The following RALGAPA1 variants were observed in gnomAD, a reference collection of about 807,000 sequenced individuals.
RALGAPA1 encodes Ral GTPase activating protein catalytic subunit alpha 1, also known as ral GTPase-activating protein subunit alpha-1.
In RALGAPA1, 52 loss-of-function variants were observed where a neutral mutation model predicts 269.6. The observed-to-expected ratio is 0.19, with a 90% CI of 0.15 to 0.24. The LOEUF (loss-of-function observed/expected upper bound fraction) is 0.24. Ranked by LOEUF, RALGAPA1 falls within the 10% of genes least tolerant of loss-of-function variation. The probability of loss-of-function intolerance (pLI) is 1.00; values close to 1 mark genes in which losing one functional copy is unlikely to be tolerated. For missense variants in RALGAPA1, 1,917 were observed against 3,013.9 expected (o/e 0.64, Z 8.52); for synonymous variants, 817 against 1,008.3 (o/e 0.81, Z 3.60).
chr14:35,775,400 C>G (rs2074945755), intron 2 of RALGAPA1, among the ~76,000 whole-genome samples: 1 of 152,114 alleles, frequency 6.6e-6, no homozygotes, highest in Non-Finnish European at 1.5e-5. Flanking sequence ...ACAAATCAAC[C>G]TGACCAGTGA....
rs940572314 is a variant in RALGAPA1 at position 35,641,994 on chromosome 14, G to A, written c.5677-6396C>T. 2.6e-5 allele frequency among the ~76,000 whole-genome samples: 4 copies of A among 152,238 alleles called. No homozygotes were observed. In the South Asian group the frequency reaches 6.2e-4, roughly 24 times the overall value. On this transcript the variant is annotated intron_variant, in intron 31 of 41. Coordinates refer to ENST00000680220, the MANE Select transcript of RALGAPA1 (RefSeq NM_001346249.2). Reference sequence around the variant, plus strand: ...ACAAAGGTAAATAATATATATTATGGAAAGGACAGTCTCTTCAATATATGG... The same window carrying A: ...ACAAAGGTAAATAATATATATTATGAAAAGGACAGTCTCTTCAATATATGG...
chr14:35,585,274 A>G (rs758543601), intron 37 of RALGAPA1, among the ~76,000 whole-genome samples: 11 of 152,248 alleles, frequency 7.2e-5, no homozygotes, highest in Admixed American at 3.9e-4. Flanking sequence ...AAGAACAGAA[A>G]TCATAAAATG....
chr14:35,559,834 T>C (rs865991900), intron 39 of RALGAPA1, among the ~76,000 whole-genome samples: 4 of 152,216 alleles, frequency 2.6e-5, no homozygotes, highest in Admixed American at 6.5e-5. Flanking sequence ...AACTCAATAA[T>C]TGTATAAAAG....
chr14:35,648,234 T>C (rs1594963906), intron 31 of RALGAPA1, among the ~76,000 whole-genome samples: 1 of 150,960 alleles, frequency 6.6e-6, no homozygotes, highest in Admixed American at 6.6e-5. Flanking sequence ...GAGACGGAGG[T>C]TGCAATGAGC....
intron 4 of RALGAPA1, among the ~76,000 whole-genome samples, chr14:35,767,909 G>C (rs1008570980): frequency 3.9e-5 from 6 of 152,024 alleles, no homozygotes; most frequent in African/African-American, 1.2e-4. Flanking sequence ...CAAGGAGCTG[G>C]GACGACATGA....
chr14:35,675,277 G>A (rs113414901), intron 22 of RALGAPA1, among the ~76,000 whole-genome samples: 193 of 152,274 alleles, frequency 1.3e-3, no homozygotes, highest in African/African-American at 4.1e-3. Flanking sequence ...CTGGGTTCAC[G>A]CAATTCTCCT....
At chr14:35,546,600 G>A (rs1455975692) in intron 41 of RALGAPA1, among the ~76,000 whole-genome samples, 3 of 151,926 alleles carry the variant, frequency 2.0e-5, no homozygotes, top group East Asian at 1.9e-4. Flanking sequence ...GTATTGATTA[G>A]TACTATTTTA....
At chr14:35,551,206 C>T (rs1566657099) in intron 39 of RALGAPA1, among the ~76,000 whole-genome samples, 1 of 152,064 alleles carries the variant, frequency 6.6e-6, no homozygotes, top group Non-Finnish European at 1.5e-5. Context: ...CAGAGCTTTT[C>T]ATTATGCCTG....
chr14:35,543,921 C>T (rs1157830613), intron 41 of RALGAPA1, among the ~76,000 whole-genome samples: 3 of 152,152 alleles, frequency 2.0e-5, no homozygotes, highest in Non-Finnish European at 2.9e-5. Context: ...GGATTACAGG[C>T]GTGAGCCACC....
In RALGAPA1 at chr14:35,713,010, T is replaced by TTA. The variant is rs772864489; in HGVS notation, c.2266+8676_2266+8677dup. ...GGCAGAGGCCTAATCATGCAGGGCC[T>TTA]TATAAAAATCATGGTAAGATTTTCA... On this transcript the variant is annotated intron_variant, in intron 16 of 41. Transcript: ENST00000680220. 1.4e-4 allele frequency among the ~76,000 whole-genome samples: 22 copies of TTA among 152,188 alleles called. 1 individual carries two copies. The highest frequency in any genetic ancestry group is 2.4e-5 in the African/African-American group (1 of 41,434).
intron 31 of RALGAPA1, among the ~76,000 whole-genome samples, chr14:35,640,447 G>A (rs772110927): frequency 8.5e-5 from 13 of 152,156 alleles, no homozygotes; most frequent in African/African-American, 2.2e-4. Flanking sequence ...TCAACAGAGC[G>A]GCTACTATGA....
At chr14:35,591,540 G>T (rs1306591677) in intron 37 of RALGAPA1, among the ~76,000 whole-genome samples, 2 of 151,960 alleles carry the variant, frequency 1.3e-5, no homozygotes, top group Non-Finnish European at 2.9e-5. Flanking sequence ...TCAAACTCTT[G>T]GGCTGAAGCA....
intron 19 of RALGAPA1, among the ~76,000 whole-genome samples, chr14:35,685,733 G>A (rs796216206): frequency 2.0e-5 from 3 of 152,156 alleles, no homozygotes; most frequent in African/African-American, 4.8e-5. Context: ...GTGAAACCCT[G>A]TCTCTACTAA....
intron 37 of RALGAPA1, among the ~76,000 whole-genome samples, chr14:35,585,832 C>T (rs1200760682): frequency 6.6e-6 from 1 of 152,158 alleles, no homozygotes; most frequent in East Asian, 1.9e-4. Context: ...GGTACCAGTA[C>T]CATCCTGTTT....
intron 37 of RALGAPA1, among the ~76,000 whole-genome samples, chr14:35,584,395 G>A (rs1426046695): frequency 2.0e-5 from 3 of 152,048 alleles, no homozygotes; most frequent in South Asian, 2.1e-4. Flanking sequence ...CTCCCAAGTC[G>A]CTGGGACCAT....
intron 1 of RALGAPA1, among the ~76,000 whole-genome samples, chr14:35,782,665 C>G (rs536688388): frequency 3.6e-4 from 54 of 151,910 alleles, no homozygotes; most frequent in African/African-American, 1.3e-3. Context: ...CTAAGGTGAT[C>G]CACCCGCCAT....
At chr14:35,557,496 G>T (rs1298507616) in intron 39 of RALGAPA1, among the ~76,000 whole-genome samples, 1 of 152,102 alleles carries the variant, frequency 6.6e-6, no homozygotes, top group African/African-American at 2.4e-5. Flanking sequence ...CAGTGTCATA[G>T]AATCTATGAT....
intron 37 of RALGAPA1, among the ~76,000 whole-genome samples, chr14:35,593,991 C>G (rs1285213546): frequency 6.6e-6 from 1 of 151,984 alleles, no homozygotes; most frequent in African/African-American, 2.4e-5. Flanking sequence ...CAAACATATA[C>G]AGTAAACTAA....
At chr14:35,624,156 C>CAAAA (rs377171729) in intron 35 of RALGAPA1, among the ~76,000 whole-genome samples, 5 of 21,840 alleles carry the variant, frequency 2.3e-4, no homozygotes, top group East Asian at 1.1e-3. Context: ...TAATACAACG[C>CAAAA]AAAAAAAAAA....
Sources: allele counts gnomAD v4.1 joint callset (sites outside exome capture counted in the v4.1 genomes callset), GRCh38; gene constraint gnomAD v4.1.1; transcripts MANE v1.5; gene names NCBI Gene and HGNC (gene_info 2026-07-23, HGNC 2026-07-21).